Variants in COBLL1 observed in about 807,000 individuals in gnomAD.
The protein encoded by COBLL1 is cordon-bleu WH2 repeat protein like 1.
A neutral mutation model predicts 94.8 loss-of-function variants in COBLL1; 50 were observed. The observed-to-expected ratio is 0.53, with a 90% CI of 0.42 to 0.67. The LOEUF (loss-of-function observed/expected upper bound fraction) is 0.67. Ranked by LOEUF, COBLL1 falls within the 30% of genes least tolerant of loss-of-function variation. COBLL1 has a pLI of 0.00. For synonymous variants in COBLL1, 448 were observed against 473.8 expected (o/e 0.95, Z 0.71); for missense variants, 1,362 against 1,348.7 (o/e 1.01, Z -0.15).
intron 13 of COBLL1, chr2:164,687,745 G>T: frequency 1.6e-6 from 1 of 608,100 alleles, no homozygotes; most frequent in East Asian, 2.8e-5. Context: ...GCCCCCATAA[G>T]GAAAGGAACT....
chr2:164,833,746 G>A (rs996055936), intron 2 of COBLL1, among the ~76,000 whole-genome samples: 2 of 152,138 alleles, frequency 1.3e-5, no homozygotes, highest in East Asian at 3.9e-4. Flanking sequence ...CACCGCGCCA[G>A]GCCGACAATT....
intron 7 of COBLL1, among the ~76,000 whole-genome samples, chr2:164,714,705 C>G (rs1011496743): frequency 6.6e-6 from 1 of 152,130 alleles, no homozygotes; most frequent in Non-Finnish European, 1.5e-5. Flanking sequence ...GCCCTGGCCT[C>G]TGTTAACACA....
intron 2 of COBLL1, among the ~76,000 whole-genome samples, chr2:164,774,541 C>CA (rs1463808052): frequency 6.6e-6 from 1 of 152,170 alleles, no homozygotes; most frequent in Non-Finnish European, 1.5e-5. Flanking sequence ...AACTTTGATA[C>CA]AAAATCACAT....
intron 2 of COBLL1, among the ~76,000 whole-genome samples, chr2:164,826,753 C>T (rs916243837): frequency 3.9e-5 from 6 of 152,144 alleles, no homozygotes; most frequent in African/African-American, 1.4e-4. Flanking sequence ...TGCCAGAGTG[C>T]CAAGTGCACT....
In COBLL1 at chr2:164,716,629, A is replaced by T. The variant is rs1685184633; in HGVS notation, c.996+5446T>A. On this transcript the variant is annotated intron_variant, in intron 7 of 13. Transcript: ENST00000652658. ...TGGAAAAAATAATTTTAGATGCAGA[A>T]ATATTCTAAGAAAGCTTGGGTTAAA... 1.3e-5 allele frequency among the ~76,000 whole-genome samples: 2 copies of T among 152,190 alleles called. 1 individual carries two copies. The highest frequency in any genetic ancestry group is 4.1e-4 in the South Asian group (2 of 4,834).
At chr2:164,784,359 C>T in intron 2 of COBLL1, among the ~76,000 whole-genome samples, 1 of 152,012 alleles carries the variant, frequency 6.6e-6, no homozygotes, top group African/African-American at 2.4e-5. Flanking sequence ...ATTTTTATAT[C>T]TGCATTTTGT....
intron 2 of COBLL1, among the ~76,000 whole-genome samples, chr2:164,815,755 C>T (rs1264813002): frequency 6.6e-6 from 1 of 152,062 alleles, no homozygotes; most frequent in Non-Finnish European, 1.5e-5. Context: ...ATTGTTCCTC[C>T]CCAAACCATA....
At chr2:164,779,973 A>T (rs142494324) in intron 2 of COBLL1, among the ~76,000 whole-genome samples, 22 of 152,256 alleles carry the variant, frequency 1.4e-4, no homozygotes, top group African/African-American at 5.3e-4. Context: ...ATTTTAAAAT[A>T]TTTTAAAAAT....
At chr2:164,698,036 C>A (rs1169604573) in intron 11 of COBLL1, 1 of 151,976 alleles carries the variant, frequency 6.6e-6, no homozygotes, top group Non-Finnish European at 1.5e-5. Context: ...TAAAAAACAA[C>A]TAGAGTTGAC....
At chr2:164,759,515 C>T (rs566895237) in intron 2 of COBLL1, among the ~76,000 whole-genome samples, 1 of 151,976 alleles carries the variant, frequency 6.6e-6, no homozygotes, top group African/African-American at 2.4e-5. Flanking sequence ...GCTATGACAT[C>T]AAAGGCACAA....
chr2:164,822,093 A>C (rs1255257444), intron 2 of COBLL1, among the ~76,000 whole-genome samples: 1 of 152,248 alleles, frequency 6.6e-6, no homozygotes, highest in Non-Finnish European at 1.5e-5. Context: ...ATAGATAAGT[A>C]ATCCTCAATT....
chr2:164,828,717 T>G (rs1685554206), intron 2 of COBLL1, among the ~76,000 whole-genome samples: 1 of 152,234 alleles, frequency 6.6e-6, no homozygotes, highest in African/African-American at 2.4e-5. Flanking sequence ...ACTGACATTT[T>G]AACGGAATTA....
intron 9 of COBLL1, 112 bp downstream of exon 9, chr2:164,704,332 C>T: frequency 1.3e-6 from 1 of 756,214 alleles, no homozygotes; most frequent in East Asian, 2.6e-5. Flanking sequence ...GGAAATGAGG[C>T]CAAAGAATCT....
intron 2 of COBLL1, among the ~76,000 whole-genome samples, chr2:164,782,233 A>G (rs1559010738): frequency 6.6e-6 from 1 of 152,178 alleles, no homozygotes; most frequent in Non-Finnish European, 1.5e-5. Context: ...GGCCTTTATT[A>G]CTACTTCTTC....
At position 164,684,759 on chromosome 2, in the gene COBLL1, C is replaced by G. The variant is rs1683200054; in HGVS notation, c.*1187G>C. The G allele has an allele frequency of 6.6e-6, 1 of 151,680 alleles. No individual in the cohort carries two copies. The highest frequency in any genetic ancestry group is 2.1e-4 in the South Asian group (1 of 4,804). 9.4% of individuals were successfully genotyped at this position (151,680 alleles called of 1,614,324 possible). ...ACAAACTATATATTTTAAAAAGCAC[C>G]CCAAATATACAACTTGCTTTTATTA... is the stretch of plus-strand genomic sequence containing the variant. On this transcript the variant is annotated 3_prime_UTR_variant, in exon 14 of 14. Coordinates refer to ENST00000652658, the MANE Select transcript of COBLL1 (RefSeq NM_001365672.2).
At chr2:164,748,093 AG>A (rs1166436047) in intron 2 of COBLL1, among the ~76,000 whole-genome samples, 2 of 152,168 alleles carry the variant, frequency 1.3e-5, no homozygotes, top group African/African-American at 4.8e-5. Context: ...AGGTCTTGAA[AG>A]AAAAGTAGAA....
chr2:164,710,587 C>T (rs1342780677), intron 7 of COBLL1, among the ~76,000 whole-genome samples: 11 of 141,084 alleles, frequency 7.8e-5, no homozygotes, highest in Admixed American at 4.3e-4. Context: ...TTTTTGGAGA[C>T]GGAGTTTCGC....
At chr2:164,689,021 C>A (rs1301009330) in intron 13 of COBLL1, among the ~76,000 whole-genome samples, 1 of 151,998 alleles carries the variant, frequency 6.6e-6, no homozygotes, top group Admixed American at 6.6e-5. Flanking sequence ...AAATAATTTG[C>A]TGATTAATAA....
chr2:164,764,789 A>G (rs1188752642), intron 2 of COBLL1, among the ~76,000 whole-genome samples: 1 of 152,216 alleles, frequency 6.6e-6, no homozygotes, highest in Non-Finnish European at 1.5e-5. Flanking sequence ...ATTGAAACAT[A>G]ACATTTATTT....
Sources: gnomAD v4.1 joint callset for allele counts (sites outside exome capture counted in the v4.1 genomes callset) on GRCh38, gnomAD v4.1.1 for gene constraint, MANE v1.5 for transcripts, NCBI Gene and HGNC (gene_info 2026-07-23, HGNC 2026-07-21) for gene names.